Variants in SIN3A observed in about 807,000 individuals in gnomAD.
The protein encoded by SIN3A is paired amphipathic helix protein Sin3a.
A neutral mutation model predicts 146.1 loss-of-function variants in SIN3A; 14 were observed. That is an observed-to-expected ratio of 0.10 (90% CI 0.06 to 0.15). SIN3A has a LOEUF of 0.15. Ranked by LOEUF, SIN3A falls within the 10% of genes least tolerant of loss-of-function variation. The probability of loss-of-function intolerance (pLI) is 1.00; values close to 1 mark genes in which losing one functional copy is unlikely to be tolerated. For missense variants in SIN3A, 1,028 were observed against 1,576.0 expected (o/e 0.65, Z 5.89); for synonymous variants, 572 against 572.0 (o/e 1.00, Z 0.00).
At chr15:75,389,893 C>A in intron 15 of SIN3A, 72 bp from the exon 16 acceptor site, 1 of 1,458,104 alleles carries the variant, frequency 6.9e-7, no homozygotes, top group Non-Finnish European at 9.4e-7. Context: ...CAGGGCAAAT[C>A]CCACAGCTGG....
chr15:75,418,918 C>G (rs886162670), intron 3 of SIN3A, among the ~76,000 whole-genome samples: 15 of 152,052 alleles, frequency 9.9e-5, no homozygotes, highest in African/African-American at 3.6e-4. Flanking sequence ...CCACGGCCGG[C>G]TAATTTTTTT....
intron 14 of SIN3A, 63 bp downstream of exon 14, chr15:75,394,617 A>G: frequency 1.5e-6 from 2 of 1,361,250 alleles, no homozygotes; most frequent in South Asian, 1.5e-5. Context: ...TAATTTCCAG[A>G]AATCAAAGCT....
chr15:75,395,892 G>A (rs1253373879), intron 13 of SIN3A, among the ~76,000 whole-genome samples: 2 of 152,136 alleles, frequency 1.3e-5, no homozygotes, highest in Non-Finnish European at 2.9e-5. Context: ...GTGAAAGAGT[G>A]AGATCTTGTC....
At chr15:75,396,624 A>G (rs1168594437) in intron 12 of SIN3A, 128 bp from the exon 13 acceptor site, 8 of 658,340 alleles carry the variant, frequency 1.2e-5, no homozygotes, top group Admixed American at 5.7e-5. Context: ...TACTAGCTAC[A>G]TAAGACTGTT....
intron 6 of SIN3A, among the ~76,000 whole-genome samples, chr15:75,410,705 T>C (rs946542671): frequency 6.6e-6 from 1 of 152,084 alleles, no homozygotes; most frequent in African/African-American, 2.4e-5. Flanking sequence ...TAAATCACCA[T>C]CTAACTGTCC....
chr15:75,387,393 C>A (rs1433323052), intron 16 of SIN3A, among the ~76,000 whole-genome samples: 1 of 151,330 alleles, frequency 6.6e-6, no homozygotes, highest in Non-Finnish European at 1.5e-5. Flanking sequence ...GGTGTGGTGG[C>A]CCCTTTGGTC....
At position 75,402,437 on chromosome 15, in the gene SIN3A, G is replaced by C. The variant is rs115314690; in HGVS notation, c.1408-467C>G. On this transcript the variant is annotated intron_variant, in intron 9 of 20. Coordinates refer to ENST00000394947, the MANE Select transcript of SIN3A (RefSeq NM_001145358.2). Reference sequence around the variant, plus strand: ...TGAGTGAAACATAAGATTATCACTTGAACCCTGGAGGCAGACGTTGCAGTG... The same window carrying C: ...TGAGTGAAACATAAGATTATCACTTCAACCCTGGAGGCAGACGTTGCAGTG... Among the ~76,000 whole-genome samples the C allele has an allele frequency of 6.2e-3, 948 of 151,926 alleles. 13 individuals are homozygous for C. Among genetic ancestry groups the C allele is most frequent in the African/African-American group, 0.021 (888 of 41,486 alleles).
rs563538009 is a variant in SIN3A, at chr15:75,411,666, C to A, written c.834G>T (p.Pro278=). Residue 278 remains proline (P), a synonymous_variant, in exon 6 of 21, where the codon CCG becomes CCT. Coordinates refer to ENST00000394947, the MANE Select transcript of SIN3A (RefSeq NM_001145358.2). ...TCACTGGTGTGTGAGGCTGGACCGG[C>A]GGAGAACGTGGGGATGCATACGGTG... ...PLPPYASPRS[P]PVQPHTPVTI... The A allele has an allele frequency of 2.8e-5, 45 of 1,613,958 alleles. No homozygotes were observed. The South Asian group carries it at 4.7e-4, about 17-fold the overall frequency.
At chr15:75,409,726 C>CA (rs1306669991) in intron 8 of SIN3A, 110 bp downstream of exon 8, 13 of 1,303,360 alleles carry the variant, frequency 1.0e-5, no homozygotes, top group Admixed American at 2.2e-5. Context: ...GACTCGGTCT[C>CA]AAAAAAACAA....
chr15:75,400,819 A>C lies in SIN3A; in HGVS notation c.1648T>G (p.Ser550Ala), dbSNP rs2073398015. 1 of 1,614,168 alleles carries C rather than the reference A, an allele frequency of 6.2e-7. No homozygotes were observed. The highest frequency in any genetic ancestry group is 2.2e-5 in the East Asian group (1 of 44,888). ...TAGCTGGAGCCCAATCGTTTACAAGAAGCATAATCTATCTCCATAGCAATG... is the reference window on the plus strand; with the variant it reads ...TAGCTGGAGCCCAATCGTTTACAAGCAGCATAATCTATCTCCATAGCAATG... ...EGIAMEIDYA[S>A]CKRLGSSYRA... Residue 550 changes from serine to alanine, a missense_variant, in exon 11 of 21, where the codon TCT becomes GCT. Physicochemically the swap from Ser to Ala is moderately conservative, Grantham distance 99. Transcript: ENST00000394947.
rs1482567748 is a variant in SIN3A at position 75,451,512 on chromosome 15, A to C, written c.-123T>G. 3 of 145,800 alleles carry C rather than the reference A, an allele frequency of 2.1e-5. No individual in the cohort carries two copies. Among genetic ancestry groups the C allele is most frequent in the Admixed American group, 2.0e-4 (3 of 14,760 alleles). 9.0% of individuals were successfully genotyped at this position (145,800 alleles called of 1,614,324 possible). A position where few individuals can be genotyped will look rare whatever the true frequency, so the allele number is the denominator to read the frequency against. On this transcript the variant is annotated 5_prime_UTR_variant, in exon 1 of 21. Transcript: ENST00000394947. The stretch of plus-strand genomic sequence containing the variant: ...GGAGGCCCCGAGAACGGCGCGGGGC[A>C]CAGGCCCGCCGAAGCGGACTGCCAG...
chr15:75,403,334 G>A (rs2073447689), intron 9 of SIN3A, among the ~76,000 whole-genome samples: 2 of 151,702 alleles, frequency 1.3e-5, no homozygotes, highest in Non-Finnish European at 2.9e-5. Context: ...GGAGGCTGAG[G>A]CAGGAGAATC....
chr15:75,373,683 G>C (rs1379257085), intron 20 of SIN3A, among the ~76,000 whole-genome samples: 1 of 151,798 alleles, frequency 6.6e-6, no homozygotes, highest in African/African-American at 2.4e-5. Flanking sequence ...GCTGAAATGG[G>C]TGGGTTGTTT....
At chr15:75,437,295 C>T (rs1159123405) in intron 1 of SIN3A, among the ~76,000 whole-genome samples, 1 of 152,006 alleles carries the variant, frequency 6.6e-6, no homozygotes, top group African/African-American at 2.4e-5. Context: ...ACCTCAGCCT[C>T]CCAAGTAGCT....
Position 75,387,475 on chromosome 15 carries a change from G to A in SIN3A, c.3021+2177C>T, listed in dbSNP as rs116474766. Among the ~76,000 whole-genome samples, 829 of 145,068 alleles carry A rather than the reference G, an allele frequency of 5.7e-3. 12 individuals are homozygous for A. The highest frequency in any genetic ancestry group is 0.02 in the African/African-American group (766 of 38,518). On this transcript the variant is annotated intron_variant, in intron 16 of 20. Transcript: ENST00000394947. The stretch of plus-strand genomic sequence containing the variant: ...TGATCACACCACTGCACTCCAGCCT[G>A]GGCAATAGAGTGAGACCCTGGGTTG...
rs144774905 is a variant in SIN3A at position 75,440,190 on chromosome 15, A to G, written c.-33-9782T>C. 4.6e-5 allele frequency among the ~76,000 whole-genome samples: 7 copies of G among 151,920 alleles called. No individual in the cohort carries two copies. In the East Asian group the frequency reaches 7.8e-4, roughly 17 times the overall value. ...AAATAAATAACTTTAAAAAAACCCC[A>G]TATCGTTATTACTTACTATTTTAAC... On this transcript the variant is annotated intron_variant, in intron 1 of 20. Transcript: ENST00000394947.
chr15:75,411,751 GA>G lies in SIN3A; in HGVS notation c.757-9del, dbSNP rs752629089. 3.8e-6 allele frequency: 6 copies of G among 1,572,666 alleles called. No individual in the cohort carries two copies. The highest frequency in any genetic ancestry group is 1.9e-5 in the Admixed American group (1 of 53,150). On this transcript the variant is annotated splice_polypyrimidine_tract_variant and intron_variant, in intron 5 of 20. Transcript: ENST00000394947. ...TGCTTGCAGTTGGGAGGGCTAGAAA[GA>G]AAAGAAATCTTTATTCTCTTCAGAT...
chr15:75,399,033 T>A (rs1416360662), intron 12 of SIN3A, among the ~76,000 whole-genome samples: 17 of 131,088 alleles, frequency 1.3e-4, no homozygotes, highest in East Asian at 4.4e-4. Flanking sequence ...ATTTAAAGTT[T>A]AAAAAAAAAA....
At chr15:75,396,222 T>G in intron 13 of SIN3A, 36 bp downstream of exon 13, 1 of 1,430,884 alleles carries the variant, frequency 7.0e-7, no homozygotes. Flanking sequence ...GGTAGTGAAG[T>G]ACACTAAAGC....
Sources: gnomAD v4.1 joint callset for allele counts (sites outside exome capture counted in the v4.1 genomes callset) on GRCh38, gnomAD v4.1.1 for gene constraint, MANE v1.5 for transcripts, NCBI Gene and HGNC (gene_info 2026-07-23, HGNC 2026-07-21) for gene names.